MMP16: variants seen among roughly 807,000 people sequenced by gnomAD.
MMP16 encodes matrix metallopeptidase 16, also known as matrix metalloproteinase-16.
In MMP16, 12 loss-of-function variants were observed where a neutral mutation model predicts 67.8. That is an observed-to-expected ratio of 0.18 (90% CI 0.11 to 0.29). The LOEUF is 0.29. Ranked by LOEUF, MMP16 falls within the 10% of genes least tolerant of loss-of-function variation. MMP16 has a pLI of 1.00. For missense variants in MMP16, 475 were observed against 765.7 expected (o/e 0.62, Z 4.48); for synonymous variants, 249 against 255.9 (o/e 0.97, Z 0.26).
intron 1 of MMP16, among the ~76,000 whole-genome samples, chr8:88,267,412 C>T (rs1810492137): frequency 6.6e-6 from 1 of 152,202 alleles, no homozygotes; most frequent in African/African-American, 2.4e-5. Flanking sequence ...TCTGGGTATC[C>T]CCACAAAACC....
At chr8:88,239,186 T>C (rs1187212161) in intron 1 of MMP16, among the ~76,000 whole-genome samples, 1 of 147,312 alleles carries the variant, frequency 6.8e-6, no homozygotes, top group African/African-American at 2.5e-5. Context: ...TCCCAGCTAC[T>C]TGGGAGGGTG....
At chr8:88,145,658 TG>T (rs1387222082) in intron 4 of MMP16, among the ~76,000 whole-genome samples, 3 of 151,938 alleles carry the variant, frequency 2.0e-5, no homozygotes, top group Admixed American at 2.0e-4. Context: ...TAGATTCCAA[TG>T]GGCCCTAAGA....
intron 1 of MMP16, among the ~76,000 whole-genome samples, chr8:88,239,531 T>A (rs1024069987): frequency 0.11 from 20 of 174 alleles, no homozygotes; most frequent in South Asian, 0.25. Flanking sequence ...GTTATAAAAT[T>A]TTTTTTTTTT....
At chr8:88,264,031 C>CATATATATATATATAT (rs1491101969) in intron 1 of MMP16, among the ~76,000 whole-genome samples, 27 of 40,328 alleles carry the variant, frequency 6.7e-4, no homozygotes, top group African/African-American at 1.8e-3. Context: ...ACAAAAATGG[C>CATATATATATATATAT]ACATATATAT....
intron 4 of MMP16, among the ~76,000 whole-genome samples, chr8:88,146,919 C>G (rs1359389520): frequency 1.3e-5 from 2 of 151,964 alleles, no homozygotes; most frequent in African/African-American, 2.4e-5. Context: ...ACAATTTATA[C>G]TCCTATATAG....
At chr8:88,097,622 T>C (rs1464650187) in intron 6 of MMP16, among the ~76,000 whole-genome samples, 5 of 77,510 alleles carry the variant, frequency 6.5e-5, no homozygotes, top group Non-Finnish European at 1.2e-4. Flanking sequence ...CAAAACCCTG[T>C]CTCAAAAAAA....
At chr8:88,067,712 T>C in intron 7 of MMP16, among the ~76,000 whole-genome samples, 1 of 152,168 alleles carries the variant, frequency 6.6e-6, no homozygotes. Context: ...ACAGCAAAAT[T>C]ATTTTGAGCT....
At chr8:88,250,416 G>T (rs375380032) in intron 1 of MMP16, among the ~76,000 whole-genome samples, 3 of 151,858 alleles carry the variant, frequency 2.0e-5, no homozygotes, top group Non-Finnish European at 2.9e-5. Flanking sequence ...TTAAATAAAG[G>T]CCTGAAAATT....
rs1476291142 is a variant in MMP16 at position 88,127,462 on chromosome 8, G to A, written c.710-8601C>T. On this transcript the variant is annotated intron_variant, in intron 4 of 9. Transcript: ENST00000286614. ...GTTGAAATGAGCAATGGAAGTATGT[G>A]AGAGTGATATAATGATTTGAAATCA... Among the ~76,000 whole-genome samples, 3 of 151,940 alleles carry A rather than the reference G, an allele frequency of 2.0e-5. No individual in the cohort carries two copies. The East Asian group carries it at 5.9e-4, about 30-fold the overall frequency.
At chr8:88,204,397 G>A (rs1013079662) in intron 1 of MMP16, among the ~76,000 whole-genome samples, 71 of 151,992 alleles carry the variant, frequency 4.7e-4, no homozygotes, top group Admixed American at 2.2e-3. Flanking sequence ...CTATTTTTAA[G>A]ATAAAGATTA....
intron 1 of MMP16, among the ~76,000 whole-genome samples, chr8:88,251,359 C>T (rs1181776830): frequency 2.6e-5 from 4 of 151,008 alleles, no homozygotes; most frequent in Admixed American, 2.0e-4. Flanking sequence ...ACTATCTGAT[C>T]TTTGACAAAC....
chr8:88,078,921 C>T (rs1038885227), intron 6 of MMP16, among the ~76,000 whole-genome samples: 3 of 152,138 alleles, frequency 2.0e-5, no homozygotes, highest in African/African-American at 7.2e-5. Flanking sequence ...AACAGCATCT[C>T]AAATCTCTTT....
chr8:88,317,923 G>A (rs1187267129), intron 1 of MMP16, among the ~76,000 whole-genome samples: 4 of 152,060 alleles, frequency 2.6e-5, no homozygotes, highest in African/African-American at 7.2e-5. Context: ...CTGATCCATC[G>A]CTGGACTGAT....
intron 4 of MMP16, among the ~76,000 whole-genome samples, chr8:88,146,688 CTTT>C (rs888090443): frequency 6.6e-6 from 1 of 151,490 alleles, no homozygotes; most frequent in South Asian, 2.1e-4. Context: ...AATGATACTT[CTTT>C]TTTTGGCTAT....
At chr8:88,256,019 T>C (rs1810295580) in intron 1 of MMP16, among the ~76,000 whole-genome samples, 1 of 152,212 alleles carries the variant, frequency 6.6e-6, no homozygotes, top group Non-Finnish European at 1.5e-5. Context: ...TCCCAGCTTA[T>C]TTTTGTAATA....
At chr8:88,182,914 A>C (rs1586193278) in intron 3 of MMP16, among the ~76,000 whole-genome samples, 1 of 152,220 alleles carries the variant, frequency 6.6e-6, no homozygotes, top group African/African-American at 2.4e-5. Flanking sequence ...ATGTTAAGGA[A>C]CCTTACGAGC....
At chr8:88,056,768 C>T (rs1808337944) in intron 7 of MMP16, among the ~76,000 whole-genome samples, 1 of 152,118 alleles carries the variant, frequency 6.6e-6, no homozygotes, top group African/African-American at 2.4e-5. Flanking sequence ...GTTCACAAGT[C>T]TCCCTAGTCT....
chr8:88,045,686 G>T (rs1586120508), intron 9 of MMP16, among the ~76,000 whole-genome samples: 1 of 152,122 alleles, frequency 6.6e-6, no homozygotes, highest in East Asian at 1.9e-4. Context: ...TACACTTAAG[G>T]TCAATCACAG....
chr8:88,074,385 C>T (rs1808609985), intron 7 of MMP16, among the ~76,000 whole-genome samples: 1 of 151,774 alleles, frequency 6.6e-6, no homozygotes, highest in Non-Finnish European at 1.5e-5. Context: ...TCTAAAAGTT[C>T]TAAGAGAAAG....
Sources: allele counts gnomAD v4.1 joint callset (sites outside exome capture counted in the v4.1 genomes callset), GRCh38; gene constraint gnomAD v4.1.1; transcripts MANE v1.5; gene names NCBI Gene and HGNC (gene_info 2026-07-23, HGNC 2026-07-21).